Variants in TENM2 observed in about 807,000 individuals in gnomAD.
TENM2 encodes the protein teneurin-2.
In TENM2, 52 loss-of-function variants were observed where a neutral mutation model predicts 245.2. That is an observed-to-expected ratio of 0.21 (90% CI 0.17 to 0.27). TENM2 has a LOEUF of 0.27. Ranked by LOEUF, TENM2 falls within the 10% of genes least tolerant of loss-of-function variation. TENM2 has a pLI of 1.00. For synonymous variants in TENM2, 1,363 were observed against 1,438.9 expected (o/e 0.95, Z 1.19); for missense variants, 3,046 against 3,666.8 (o/e 0.83, Z 4.37).
At chr5:168,114,527 G>T (rs1311587461) in intron 9 of TENM2, among the ~76,000 whole-genome samples, 1 of 152,184 alleles carries the variant, frequency 6.6e-6, no homozygotes, top group Non-Finnish European at 1.5e-5. Context: ...GGATGCTCTG[G>T]GTTGAGTTAT....
chr5:167,706,876 A>G (rs981465796), intron 2 of TENM2, among the ~76,000 whole-genome samples: 2 of 151,890 alleles, frequency 1.3e-5, no homozygotes, highest in Non-Finnish European at 2.9e-5. Context: ...TTGGCCGGGC[A>G]TGGTGGCAGG....
chr5:167,201,464 A>G, the TENM2 span, among the ~76,000 whole-genome samples: 139 of 152,300 alleles, frequency 9.1e-4, 1 homozygote, highest in East Asian at 0.02. Flanking sequence ...ATTAAATGTA[A>G]TGGAGGAAAA....
At chr5:168,116,921 G>A (rs1795124467) in intron 9 of TENM2, among the ~76,000 whole-genome samples, 1 of 152,198 alleles carries the variant, frequency 6.6e-6, no homozygotes, top group Admixed American at 6.5e-5. Context: ...AACACCAGGA[G>A]TCACTGAAAC....
At chr5:167,005,836 A>G in the TENM2 span, among the ~76,000 whole-genome samples, 1 of 151,048 alleles carries the variant, frequency 6.6e-6, no homozygotes, top group Admixed American at 6.6e-5. Context: ...TAATTTTTGT[A>G]TTTTTAGTAG....
the TENM2 span, among the ~76,000 whole-genome samples, chr5:167,213,211 G>A: frequency 6.6e-6 from 1 of 152,258 alleles, no homozygotes; most frequent in Admixed American, 6.5e-5. Context: ...TACATATTTT[G>A]TATATACGCC....
rs279401 is a variant in TENM2 at position 167,715,810 on chromosome 5, C to T, written c.503-160176C>T. On this transcript the variant is annotated intron_variant, in intron 2 of 28. Coordinates refer to ENST00000518659, the Ensembl canonical transcript of TENM2. ...TATAGAACATGCAAGCTTCTGAATACGAAATATATTCCCACTGCATTCTAC... is the reference window on the plus strand; with the variant it reads ...TATAGAACATGCAAGCTTCTGAATATGAAATATATTCCCACTGCATTCTAC... Among the ~76,000 whole-genome samples the T allele has an allele frequency of 3.2e-3, 481 of 152,198 alleles. 1 individual carries two copies. Among genetic ancestry groups the T allele is most frequent in the African/African-American group, 0.011 (457 of 41,530 alleles).
chr5:167,605,467 C>T (rs1208836779), intron 2 of TENM2, among the ~76,000 whole-genome samples: 2 of 152,138 alleles, frequency 1.3e-5, no homozygotes, highest in African/African-American at 4.8e-5. Context: ...AACTGTTCAT[C>T]CCAAAGTTCT....
intron 2 of TENM2, among the ~76,000 whole-genome samples, chr5:167,625,571 G>A (rs558837932): frequency 3.9e-5 from 6 of 152,076 alleles, no homozygotes; most frequent in Non-Finnish European, 7.4e-5. Flanking sequence ...CAAAGGTAGA[G>A]GTAAAAACCA....
chr5:167,723,079 A>C (rs1759744678), intron 2 of TENM2, among the ~76,000 whole-genome samples: 1 of 152,184 alleles, frequency 6.6e-6, no homozygotes, highest in African/African-American at 2.4e-5. Flanking sequence ...TTCAGTGATT[A>C]TAACCCTATT....
At chr5:166,979,841 G>T in the TENM2 span, among the ~76,000 whole-genome samples, 1 of 152,148 alleles carries the variant, frequency 6.6e-6, no homozygotes, top group Non-Finnish European at 1.5e-5. Flanking sequence ...AAGGACTGCC[G>T]GTTTCTCTCT....
chr5:167,864,894 T>C (rs1042552111), intron 2 of TENM2, among the ~76,000 whole-genome samples: 3 of 152,214 alleles, frequency 2.0e-5, no homozygotes, highest in Non-Finnish European at 2.9e-5. Flanking sequence ...TATTATTGTT[T>C]CTATATACCA....
chr5:168,209,313 C>T (rs1025119393), intron 19 of TENM2, among the ~76,000 whole-genome samples: 1 of 152,170 alleles, frequency 6.6e-6, no homozygotes, highest in Non-Finnish European at 1.5e-5. Flanking sequence ...GCTCATTAAC[C>T]AGTTTGTCAT....
At chr5:167,311,492 G>A (rs1756029756) in intron 1 of TENM2, among the ~76,000 whole-genome samples, 1 of 152,060 alleles carries the variant, frequency 6.6e-6, no homozygotes, top group Non-Finnish European at 1.5e-5. Context: ...TCCTTAAATT[G>A]TTCTTCTGGA....
At chr5:168,115,178 C>T (rs748758820) in intron 9 of TENM2, among the ~76,000 whole-genome samples, 8 of 151,662 alleles carry the variant, frequency 5.3e-5, no homozygotes, top group African/African-American at 1.5e-4. Context: ...CCTGTAGTCC[C>T]GCTACTCAGG....
At chr5:167,762,641 C>G (rs1762757257) in intron 2 of TENM2, among the ~76,000 whole-genome samples, 1 of 152,230 alleles carries the variant, frequency 6.6e-6, no homozygotes, top group South Asian at 2.1e-4. Flanking sequence ...TGCCAGTTCA[C>G]TTCTGTGCTT....
the TENM2 span, among the ~76,000 whole-genome samples, chr5:167,028,635 A>G: frequency 1.3e-5 from 2 of 152,100 alleles, no homozygotes; most frequent in Admixed American, 6.6e-5. Flanking sequence ...AATATACAGC[A>G]TATGTAAATG....
At chr5:167,110,095 G>A in the TENM2 span, among the ~76,000 whole-genome samples, 1 of 152,134 alleles carries the variant, frequency 6.6e-6, no homozygotes, top group Non-Finnish European at 1.5e-5. Flanking sequence ...GGCAAGGCAG[G>A]GTGCAGGGGT....
At chr5:167,887,564 G>A (rs1312533207) in intron 3 of TENM2, among the ~76,000 whole-genome samples, 1 of 152,216 alleles carries the variant, frequency 6.6e-6, no homozygotes, top group Non-Finnish European at 1.5e-5. Flanking sequence ...AAGTGTGTTT[G>A]TCTAACCTGC....
At chr5:167,840,128 T>C (rs1769369083) in intron 2 of TENM2, among the ~76,000 whole-genome samples, 1 of 152,196 alleles carries the variant, frequency 6.6e-6, no homozygotes. Flanking sequence ...ACCCAAACTT[T>C]CCTTATTCAA....
Sources: gnomAD v4.1 joint callset for allele counts (sites outside exome capture counted in the v4.1 genomes callset) on GRCh38, gnomAD v4.1.1 for gene constraint, MANE v1.5 for transcripts, NCBI Gene and HGNC (gene_info 2026-07-23, HGNC 2026-07-21) for gene names.